Variants in PATJ observed in about 807,000 individuals in gnomAD.
PATJ encodes inaD-like protein.
PATJ carries 190 observed loss-of-function variants against 224.9 expected under a neutral mutation model. The ratio of observed to expected loss-of-function variants is 0.84; its 90% confidence interval spans 0.75 to 0.95. The LOEUF is 0.95. PATJ is among the 40% of genes least tolerant of loss of function. PATJ has a pLI of 0.00. For missense variants in PATJ, 2,121 were observed against 2,270.3 expected (o/e 0.93, Z 1.34); for synonymous variants, 769 against 820.3 (o/e 0.94, Z 1.07).
At chr1:62,106,422 G>C (rs1279027327) in intron 33 of PATJ, among the ~76,000 whole-genome samples, 1 of 151,310 alleles carries the variant, frequency 6.6e-6, no homozygotes, top group Non-Finnish European at 1.5e-5. Context: ...AGTGAGCTAT[G>C]ATTGAGCCAC....
rs1431678528 is a variant in PATJ at position 62,153,391 on chromosome 1, A to T, written c.5412A>T (p.Lys1804Asn). Reference protein sequence around the residue: ...TPPPKIITLEKGSEGLGFSIV... With the variant: ...TPPPKIITLENGSEGLGFSIV... ...CACCTAAGATTATTACTTTGGAGAA[A>T]GGCTCTGAAGGCTTGGGGTTTAGTA... is the stretch of plus-strand genomic sequence containing the variant. Residue 1804 changes from lysine (K) to asparagine (N), a missense_variant, in exon 43 of 44, where the codon AAA (lysine) becomes AAT (asparagine). Lys to Asn is a moderately conservative substitution (Grantham distance 94, BLOSUM62 0). Coordinates refer to ENST00000642238, the MANE Select transcript of PATJ (RefSeq NM_001350145.3). 1.5e-5 allele frequency: 18 copies of T among 1,231,586 alleles called. No homozygotes were observed. Among genetic ancestry groups the T allele is most frequent in the Non-Finnish European group, 1.8e-5 (18 of 987,456 alleles). The allele number at this position is 1,231,586 out of a possible 1,614,324, so 76.3% of individuals were successfully genotyped here. A position where few individuals can be genotyped will look rare whatever the true frequency, so the allele number is the denominator to read the frequency against.
intron 28 of PATJ, among the ~76,000 whole-genome samples, chr1:61,992,565 A>G (rs963221492): frequency 2.6e-5 from 4 of 152,152 alleles, no homozygotes; most frequent in African/African-American, 7.2e-5. Flanking sequence ...TGCTTGGTAC[A>G]TGGAAATACT....
chr1:61,898,286 G>C (rs1670649924), intron 22 of PATJ, among the ~76,000 whole-genome samples: 1 of 152,146 alleles, frequency 6.6e-6, no homozygotes, highest in African/African-American at 2.4e-5. Context: ...TGTTGCCCAG[G>C]CTGGAGAATA....
At chr1:61,887,791 G>A (rs114586387) in intron 22 of PATJ, among the ~76,000 whole-genome samples, 43 of 152,308 alleles carry the variant, frequency 2.8e-4, no homozygotes, top group Non-Finnish European at 3.1e-4. Flanking sequence ...GGCATTATGA[G>A]TAGGGAGATA....
At chr1:61,953,572 T>G (rs945530285) in intron 27 of PATJ, among the ~76,000 whole-genome samples, 1 of 152,234 alleles carries the variant, frequency 6.6e-6, no homozygotes, top group Non-Finnish European at 1.5e-5. Context: ...TTCCCTGTAG[T>G]GACAACTGTC....
At chr1:61,806,279 T>C (rs1217721404) in intron 13 of PATJ, among the ~76,000 whole-genome samples, 4 of 152,206 alleles carry the variant, frequency 2.6e-5, no homozygotes, top group Non-Finnish European at 4.4e-5. Context: ...CTTTTTGGTT[T>C]AGATTACCTA....
At chr1:61,933,278 C>T (rs1376500353) in intron 27 of PATJ, among the ~76,000 whole-genome samples, 11 of 152,186 alleles carry the variant, frequency 7.2e-5, no homozygotes, top group South Asian at 6.2e-4. Flanking sequence ...TAAAATCAGA[C>T]GCCTGTAATC....
chr1:61,812,407 T>TGAGAGAGAGA (rs769833245), intron 14 of PATJ, among the ~76,000 whole-genome samples: 1 of 79,666 alleles, frequency 1.3e-5, no homozygotes, highest in African/African-American at 4.8e-5. Flanking sequence ...TGTGAGTGAC[T>TGAGAGAGAGA]GAGAGAGAGA....
At chr1:62,084,487 A>G (rs1238714485) in intron 32 of PATJ, 28 bp from the exon 33 acceptor site, 1 of 1,590,514 alleles carries the variant, frequency 6.3e-7, no homozygotes, top group Non-Finnish European at 8.5e-7. Flanking sequence ...CTTACATGCC[A>G]GTCATGCTGT....
intron 20 of PATJ, among the ~76,000 whole-genome samples, chr1:61,869,134 T>TC (rs1665879347): frequency 7.3e-6 from 1 of 136,792 alleles, no homozygotes; most frequent in African/African-American, 2.9e-5. Context: ...TGAGACGGAG[T>TC]CTCGCTCTGT....
chr1:61,861,645 CT>C lies in PATJ; in HGVS notation c.2420del (p.Leu807Ter), dbSNP rs1664635416. On this transcript the variant is annotated frameshift_variant, in exon 19 of 44. Transcript: ENST00000642238. LOFTEE classifies it high-confidence loss of function. The stretch of plus-strand genomic sequence containing the variant: ...GGAACAATTCATGATATAAATTCAT[CT>C]TTAATACTCGAAGCACCCAAGGTAT... ...FSGTIHDINS[S>X]LILEAPKGFR... is the part of the protein sequence containing the mutation. 1 of 1,430,042 alleles carries C rather than the reference CT, an allele frequency of 7.0e-7. No individual in the cohort carries two copies. The highest frequency in any genetic ancestry group is 9.4e-7 in the Non-Finnish European group (1 of 1,065,496). The allele number at this position is 1,430,042 out of a possible 1,614,324, so 88.6% of individuals were successfully genotyped here.
chr1:62,099,317 T>C (rs1042576074), intron 33 of PATJ, among the ~76,000 whole-genome samples: 2 of 150,020 alleles, frequency 1.3e-5, no homozygotes, highest in Non-Finnish European at 3.0e-5. Context: ...GGAAAACATA[T>C]GACTATTTTT....
At position 62,064,581 on chromosome 1, in the gene PATJ, C is replaced by T. The variant is rs1403616829; in HGVS notation, c.4125+13523C>T. On this transcript the variant is annotated intron_variant, in intron 31 of 43. Transcript: ENST00000642238. ...TCCTGGGCTCAAGTGATCTGCCCTC[C>T]TTGGCCTCCCAAAGTGCTGGGTGGC... Among the ~76,000 whole-genome samples, 9 of 152,312 alleles carry T rather than the reference C, an allele frequency of 5.9e-5. No homozygotes were observed. In the East Asian group the frequency reaches 1.3e-3, roughly 23 times the overall value.
intron 33 of PATJ, among the ~76,000 whole-genome samples, chr1:62,107,285 G>A (rs1312586914): frequency 8.0e-5 from 12 of 150,444 alleles, no homozygotes; most frequent in African/African-American, 2.7e-4. Flanking sequence ...CAGCCTGGGC[G>A]ACAGAGTGAG....
At chr1:61,943,488 T>C (rs1414187348) in intron 27 of PATJ, among the ~76,000 whole-genome samples, 1 of 152,146 alleles carries the variant, frequency 6.6e-6, no homozygotes, top group African/African-American at 2.4e-5. Context: ...CGGTCGCTGC[T>C]AGCACAGCAG....
intron 6 of PATJ, 41 bp downstream of exon 6, chr1:61,771,667 G>A (rs1462868154): frequency 3.6e-6 from 5 of 1,377,102 alleles, no homozygotes; most frequent in Non-Finnish European, 4.9e-6. Context: ...TTTGAATAAT[G>A]CCATTGATCG....
chr1:61,952,383 CACA>C, intron 27 of PATJ: 1 of 717,086 alleles, frequency 1.4e-6, no homozygotes, highest in South Asian at 1.5e-5. Context: ...CTGAAGGGAA[CACA>C]ACAATGGTCC....
chr1:61,897,721 A>C (rs1670578360), intron 22 of PATJ, among the ~76,000 whole-genome samples: 1 of 152,228 alleles, frequency 6.6e-6, no homozygotes, highest in Non-Finnish European at 1.5e-5. Context: ...CCATTAGCTG[A>C]AAGAAAGTCT....
At chr1:61,796,371 G>T (rs1651103686) in intron 10 of PATJ, among the ~76,000 whole-genome samples, 1 of 152,158 alleles carries the variant, frequency 6.6e-6, no homozygotes, top group Non-Finnish European at 1.5e-5. Context: ...AGATCAGTGT[G>T]TTTCTTGAAA....
Sources: gnomAD v4.1 joint callset for allele counts (sites outside exome capture counted in the v4.1 genomes callset) on GRCh38, gnomAD v4.1.1 for gene constraint, MANE v1.5 for transcripts, NCBI Gene and HGNC (gene_info 2026-07-23, HGNC 2026-07-21) for gene names.